The following PATL2 variants were observed in gnomAD, a reference collection of about 807,000 sequenced individuals.
The protein encoded by PATL2 is PAT1 homolog 2.
A neutral mutation model predicts 77.0 loss-of-function variants in PATL2; 73 were observed. The observed-to-expected ratio is 0.95, with a 90% confidence interval of 0.78 to 1.15. The LOEUF is 1.15. PATL2 is among the 50% of genes most tolerant of loss of function. The probability of loss-of-function intolerance (pLI) is 0.00; values close to 1 mark genes in which losing one functional copy is unlikely to be tolerated. For synonymous variants in PATL2, 265 were observed against 257.1 expected (o/e 1.03, Z -0.29); for missense variants, 618 against 655.4 (o/e 0.94, Z 0.62).
At chr15:44,672,318 A>G in intron 8 of PATL2, 70 bp downstream of exon 8, 1 of 1,526,614 alleles carries the variant, frequency 6.6e-7, no homozygotes, top group Non-Finnish European at 8.9e-7. Flanking sequence ...TGAGGGAGAC[A>G]ACTGGTCACA....
chr15:44,702,264 T>G (rs1026379493), intron 3 of PATL2, among the ~76,000 whole-genome samples: 13 of 152,084 alleles, frequency 8.5e-5, no homozygotes, highest in African/African-American at 3.1e-4. Flanking sequence ...GGTTTTCCAA[T>G]TTATTGGCAT....
chr15:44,695,767 G>C (rs757589502), intron 3 of PATL2, among the ~76,000 whole-genome samples: 5 of 152,210 alleles, frequency 3.3e-5, no homozygotes, highest in Non-Finnish European at 5.9e-5. Flanking sequence ...TGGTCCTTCT[G>C]TGTCTATGAT....
At chr15:44,708,410 A>T (rs139434940) in intron 3 of PATL2, among the ~76,000 whole-genome samples, 4 of 152,330 alleles carry the variant, frequency 2.6e-5, no homozygotes, top group Non-Finnish European at 5.9e-5. Context: ...AACTGAAATC[A>T]TCATCGAACT....
At chr15:44,688,393 A>G (rs1211082428) in intron 3 of PATL2, among the ~76,000 whole-genome samples, 3 of 152,144 alleles carry the variant, frequency 2.0e-5, no homozygotes, top group Non-Finnish European at 4.4e-5. Flanking sequence ...AGCCAAGACA[A>G]TCCTAAGCAA....
intron 3 of PATL2, among the ~76,000 whole-genome samples, chr15:44,687,704 C>T (rs12593352): frequency 0.015 from 2,333 of 152,206 alleles, 157 homozygotes; most frequent in Admixed American, 0.12. Context: ...GCAATTTCAG[C>T]AGTCTCAGGC....
At position 44,669,823 on chromosome 15, in the gene PATL2, C is replaced by T. The variant is rs1423378983; in HGVS notation, c.830G>A (p.Ser277Asn). Residue 277 changes from serine to asparagine, a missense_variant, in exon 11 of 18, where the codon AGC (serine) becomes AAC (asparagine). Ser to Asn is a conservative substitution (Grantham distance 46, BLOSUM62 1). Transcript: ENST00000682850. ...TACCGCATCAATAGCTCGGCGAGGG[C>T]TGAAGCATGTCGACACAGCTACCTG... Reference protein sequence around the residue: ...LGQVAVSTCFSPRRAIDAVPH... With the variant: ...LGQVAVSTCFNPRRAIDAVPH... 6.4e-7 allele frequency: 1 copy of T among 1,551,668 alleles called. No homozygotes were observed. Among genetic ancestry groups the T allele is most frequent in the Admixed American group, 2.0e-5 (1 of 50,998 alleles).
At chr15:44,672,912 A>G (rs2085761591) in intron 7 of PATL2, among the ~76,000 whole-genome samples, 1 of 152,124 alleles carries the variant, frequency 6.6e-6, no homozygotes. Flanking sequence ...GGCGCTCGCC[A>G]CCACGCCTAG....
intron 3 of PATL2, among the ~76,000 whole-genome samples, chr15:44,677,639 T>A (rs2086017000): frequency 6.6e-6 from 1 of 152,188 alleles, no homozygotes; most frequent in South Asian, 2.1e-4. Context: ...GAAACCCACA[T>A]GACTTTGTAG....
At position 44,676,555 on chromosome 15, in the gene PATL2, G is replaced by A. The variant is rs2085965204; in HGVS notation, c.-65C>T. On this transcript the variant is annotated 5_prime_UTR_variant, in exon 4 of 18. Coordinates refer to ENST00000682850, the MANE Select transcript of PATL2 (RefSeq NM_001387263.1). ...CAGTGAAACAGCATTGCCAGCCTCT[G>A]GAAGGTAAACCTGAGACAAGAAAGA... is the stretch of plus-strand genomic sequence containing the variant. 21 of 1,550,468 alleles carry A rather than the reference G, an allele frequency of 1.4e-5. No individual in the cohort carries two copies. The East Asian group carries it at 4.9e-4, about 36-fold the overall frequency.
intron 3 of PATL2, among the ~76,000 whole-genome samples, chr15:44,680,600 CCTTT>C (rs550091924): frequency 3.3e-5 from 5 of 152,246 alleles, no homozygotes; most frequent in African/African-American, 1.2e-4. Flanking sequence ...TCTGTTTTCC[CCTTT>C]CTTTTTCTTA....
At chr15:44,682,716 T>C (rs1023033303) in intron 3 of PATL2, among the ~76,000 whole-genome samples, 6 of 152,212 alleles carry the variant, frequency 3.9e-5, no homozygotes, top group African/African-American at 1.4e-4. Context: ...GTTAAACTTC[T>C]ATATTGAAGA....
rs1284337483 is a variant in PATL2 at position 44,669,397 on chromosome 15, A to G, written c.947T>C (p.Leu316Pro). The change falls in exon 13 of 18, where the codon CTA (leucine) becomes CCA (proline). Residue 316 changes from leucine to proline, a missense_variant. Coordinates refer to ENST00000682850, the MANE Select transcript of PATL2 (RefSeq NM_001387263.1). ...YRIEKMFLQL[L>P]EIEEGWKYRP... ...ATACTTCCAGCCTTCCTCTATTTCT[A>G]GTAACTGAAGGAACATCTGGGAATT... 3.9e-6 allele frequency: 6 copies of G among 1,550,978 alleles called. No individual in the cohort carries two copies. In the South Asian group the frequency reaches 5.9e-5, roughly 15 times the overall value.
chr15:44,677,684 C>A (rs1326197654), intron 3 of PATL2, among the ~76,000 whole-genome samples: 1 of 152,132 alleles, frequency 6.6e-6, no homozygotes, highest in Non-Finnish European at 1.5e-5. Context: ...AAGTTAATTT[C>A]CCTACATCAA....
Position 44,672,467 on chromosome 15 carries a change from A to G in PATL2, c.447-11T>C, listed in dbSNP as rs967884083. The G allele has an allele frequency of 3.9e-6, 6 of 1,550,784 alleles. No individual in the cohort carries two copies. Among genetic ancestry groups the G allele is most frequent in the Non-Finnish European group, 4.4e-6 (5 of 1,146,218 alleles). On this transcript the variant is annotated splice_polypyrimidine_tract_variant and intron_variant, in intron 7 of 17. Transcript: ENST00000682850. Reference sequence around the variant, plus strand: ...AGCTGGGTCAGATGACTGGGAAGACAAGAAGTAACGAGCTGGGTGGAAGGA... The same window carrying G: ...AGCTGGGTCAGATGACTGGGAAGACGAGAAGTAACGAGCTGGGTGGAAGGA...
rs1408082236 is a variant in PATL2 at position 44,666,468 on chromosome 15, A to G, written c.1537T>C (p.Phe513Leu). The G allele has an allele frequency of 3.9e-6, 6 of 1,551,660 alleles. No individual in the cohort carries two copies. The South Asian group carries it at 7.1e-5, about 18-fold the overall frequency. ...PTASLAEPLA[F>L]PSNLLPLFCH... ...AACAGGGGAAGTAGGTTGCTGGGGA[A>G]AGCTAGGGGTTCTGCCAGAGAGGCT... is the stretch of plus-strand genomic sequence containing the variant. Residue 513 changes from phenylalanine (F) to leucine (L), a missense_variant, in exon 17 of 18, where the codon TTC (phenylalanine) becomes CTC (leucine). Physicochemically the swap from Phe to Leu is conservative, Grantham distance 22. Coordinates refer to ENST00000682850, the MANE Select transcript of PATL2 (RefSeq NM_001387263.1).
At chr15:44,673,508 A>C (rs2085797286) in intron 6 of PATL2, 131 bp from the exon 7 acceptor site, 1 of 1,228,890 alleles carries the variant, frequency 8.1e-7, no homozygotes, top group Admixed American at 2.3e-5. Context: ...CCATCTTGTG[A>C]GTCCCTCAAG....
chr15:44,693,590 A>G (rs2086440585), intron 3 of PATL2, among the ~76,000 whole-genome samples: 1 of 152,208 alleles, frequency 6.6e-6, no homozygotes, highest in Non-Finnish European at 1.5e-5. Flanking sequence ...TACATCTGCA[A>G]AATCCCTTAT....
At chr15:44,676,610 G>A (rs2085968036) in intron 3 of PATL2, 45 bp from the exon 4 acceptor site, 1 of 1,473,010 alleles carries the variant, frequency 6.8e-7, no homozygotes. Context: ...CAGTCAGTAA[G>A]GATGACATGG....
At chr15:44,678,773 C>T (rs2086057868) in intron 3 of PATL2, among the ~76,000 whole-genome samples, 1 of 151,922 alleles carries the variant, frequency 6.6e-6, no homozygotes, top group Non-Finnish European at 1.5e-5. Context: ...TAGTGAGACC[C>T]CATCTCTATT....
Sources: allele counts gnomAD v4.1 joint callset (sites outside exome capture counted in the v4.1 genomes callset), GRCh38; gene constraint gnomAD v4.1.1; transcripts MANE v1.5; gene names NCBI Gene and HGNC (gene_info 2026-07-23, HGNC 2026-07-21).